The following TMEM82 variants were observed in gnomAD, a reference collection of about 807,000 sequenced individuals.
TMEM82 encodes the protein transmembrane protein 82.
In TMEM82, 30 loss-of-function variants were observed where a neutral mutation model predicts 29.2. The ratio of observed to expected loss-of-function variants is 1.03; its 90% CI spans 0.77 to 1.39. The LOEUF (loss-of-function observed/expected upper bound fraction) is 1.39. TMEM82 is among the 40% of genes most tolerant of loss of function. TMEM82 has a pLI of 0.00. For synonymous variants in TMEM82, 221 were observed against 225.4 expected, an observed-to-expected ratio of 0.98 and a Z score of 0.18; for missense variants, 442 against 447.7, an observed-to-expected ratio of 0.99 and a Z score of 0.12.
chr1:15,747,719 A>T lies in TMEM82; in HGVS notation c.*87A>T, dbSNP rs1335125575. On this transcript the variant is annotated 3_prime_UTR_variant, in exon 6 of 6. Coordinates refer to ENST00000375782, the MANE Select transcript of TMEM82 (RefSeq NM_001013641.3). ...ACCCCAGGGCGATGCCTGGAGGCAG[A>T]GTGGCAGAGCTGGCCTCCTGCCCAG... 7.2e-6 allele frequency: 9 copies of T among 1,250,334 alleles called. No individual in the cohort carries two copies. Among genetic ancestry groups the T allele is most frequent in the South Asian group, 6.6e-5 (5 of 75,268 alleles). The allele number at this position is 1,250,334 out of a possible 1,614,324, so 77.5% of individuals were successfully genotyped here. A position where few individuals can be genotyped will look rare whatever the true frequency, so the allele number is the denominator to read the frequency against.
chr1:15,742,972 G>A (rs1211881043), intron 2 of TMEM82, 48 bp from the exon 3 acceptor site: 10 of 1,603,932 alleles, frequency 6.2e-6, no homozygotes, highest in Middle Eastern at 1.7e-4. Context: ...ACCAGGGGTC[G>A]AAGGTGGCAG....
chr1:15,745,124 G>A (rs190064166), intron 4 of TMEM82, among the ~76,000 whole-genome samples: 3 of 152,266 alleles, frequency 2.0e-5, no homozygotes, highest in African/African-American at 4.8e-5. Flanking sequence ...ATGGCTCACC[G>A]CAGCCTTGAC....
chr1:15,746,047 G>GTTATT (rs200461538), intron 4 of TMEM82, among the ~76,000 whole-genome samples: 12,195 of 150,740 alleles, frequency 0.081, 580 homozygotes, highest in African/African-American at 0.12. Context: ...TTTTTTTGTT[G>GTTATT]TTGTTTTGTT....
chr1:15,746,928 C>T lies in TMEM82; in HGVS notation c.819C>T (p.Gly273=), dbSNP rs1395485318. 1.9e-6 allele frequency: 3 copies of T among 1,608,700 alleles called. No individual in the cohort carries two copies. Among genetic ancestry groups the T allele is most frequent in the East Asian group, 2.2e-5 (1 of 44,862 alleles). Residue 273 remains glycine, a synonymous_variant, in exon 5 of 6, where the codon GGC becomes GGT. Coordinates refer to ENST00000375782, the MANE Select transcript of TMEM82 (RefSeq NM_001013641.3). ...SQVQTVLVRM[G]GLFVLLLTVG... is the part of the protein sequence containing the mutation. The stretch of plus-strand genomic sequence containing the variant: ...TGCAGACGGTGCTGGTGCGCATGGG[C>T]GGCCTCTTCGTGCTGCTGCTGACTG...
intron 4 of TMEM82, among the ~76,000 whole-genome samples, chr1:15,746,508 G>A (rs1337355064): frequency 1.3e-5 from 2 of 152,056 alleles, no homozygotes; most frequent in African/African-American, 4.8e-5. Context: ...CCATGGGAGT[G>A]GCGAGAGGTG....
At chr1:15,747,223 T>C (rs2148396718) in intron 5 of TMEM82, among the ~76,000 whole-genome samples, 169 bp downstream of exon 5, 1 of 150,862 alleles carries the variant, frequency 6.6e-6, no homozygotes, top group African/African-American at 2.4e-5. Context: ...ACCCAGGAGG[T>C]AGAGGTTGCA....
At position 15,744,122 on chromosome 1, in the gene TMEM82, GC is replaced by G; in HGVS notation, c.337-33del. The G allele has an allele frequency of 6.9e-7, 1 of 1,458,468 alleles. No homozygotes were observed. The allele number at this position is 1,458,468 out of a possible 1,614,324, so 90.3% of individuals were successfully genotyped here. A position where few individuals can be genotyped will look rare whatever the true frequency, so the allele number is the denominator to read the frequency against. On this transcript the variant is annotated intron_variant, in intron 3 of 5. Coordinates refer to ENST00000375782, the MANE Select transcript of TMEM82 (RefSeq NM_001013641.3). The surrounding 1 kb of genome is among the most constrained non-coding windows in gnomAD (Gnocchi z 5.2). Reference sequence around the variant, plus strand: ...GGTGGGCAGCACCTGTGGTGAGGCAGCCCCCACATCTCGGCCCCTCTTCGGC... The same window carrying G: ...GGTGGGCAGCACCTGTGGTGAGGCAGCCCCACATCTCGGCCCCTCTTCGGC...
At chr1:15,743,552 A>G (rs186795792) in intron 3 of TMEM82, among the ~76,000 whole-genome samples, 225 of 152,332 alleles carry the variant, frequency 1.5e-3, no homozygotes, top group South Asian at 2.7e-3. Flanking sequence ...TAAGGCTCAG[A>G]GAGTATGTGG....
intron 1 of TMEM82, 32 bp from the exon 2 acceptor site, chr1:15,742,803 G>C (rs755905287): frequency 3.7e-6 from 6 of 1,601,742 alleles, no homozygotes; most frequent in Non-Finnish European, 5.1e-6. Context: ...ACCCCTGCAC[G>C]CTGCCTCGCT....
intron 4 of TMEM82, among the ~76,000 whole-genome samples, chr1:15,745,819 C>T (rs139996473): frequency 1.4e-5 from 2 of 141,802 alleles, no homozygotes; most frequent in South Asian, 2.3e-4. Flanking sequence ...ACCTGGGAGG[C>T]GGAGGTTGCA....
chr1:15,746,742 G>A, intron 4 of TMEM82, 125 bp from the exon 5 acceptor site: 1 of 768,526 alleles, frequency 1.3e-6, no homozygotes, highest in Non-Finnish European at 2.1e-6. Flanking sequence ...TGGGGACCAG[G>A]AGGATGTGAT....
intron 5 of TMEM82, 87 bp from the exon 6 acceptor site, chr1:15,747,459 G>T: frequency 1.7e-6 from 2 of 1,158,500 alleles, no homozygotes; most frequent in Admixed American, 1.7e-5. Flanking sequence ...GAGGCCCAAG[G>T]GGGAGGAAGT....
At chr1:15,743,680 G>T (rs1166582432) in intron 3 of TMEM82, among the ~76,000 whole-genome samples, 1 of 152,150 alleles carries the variant, frequency 6.6e-6, no homozygotes, top group Non-Finnish European at 1.5e-5. Flanking sequence ...AAGGCTGGGC[G>T]TGGTGGCTCA....
rs769348520 is a variant in TMEM82, at chr1:15,744,041, C to T, written c.337-119C>T. The T allele has an allele frequency of 5.6e-5, 54 of 969,258 alleles. No homozygotes were observed. The highest frequency in any genetic ancestry group is 1.9e-4 in the East Asian group (7 of 37,084). 60.0% of individuals were successfully genotyped at this position (969,258 alleles called of 1,614,324 possible). A position where few individuals can be genotyped will look rare whatever the true frequency, so the allele number is the denominator to read the frequency against. ...GATCCCCTAGGGCTTCATCTGAAGC[C>T]GATGTGGCCCCTTCGGGAACCATCC... On this transcript the variant is annotated intron_variant, in intron 3 of 5. Transcript: ENST00000375782. The surrounding 1 kb of genome is among the most constrained non-coding windows in gnomAD (Gnocchi z 5.2).
chr1:15,747,415 C>G, intron 5 of TMEM82, 131 bp from the exon 6 acceptor site: 1 of 771,806 alleles, frequency 1.3e-6, no homozygotes, highest in South Asian at 1.6e-5. Context: ...TAGCACCCCC[C>G]ACCCTGTCCA....
chr1:15,743,338 G>A (rs1051397848), intron 3 of TMEM82, 144 bp downstream of exon 3: 4 of 1,099,664 alleles, frequency 3.6e-6, no homozygotes, highest in East Asian at 5.3e-5. Context: ...GAGGCTGCAG[G>A]TTGCACCTTT....
chr1:15,744,706 C>G lies in TMEM82; in HGVS notation c.757+126C>G. On this transcript the variant is annotated intron_variant, in intron 4 of 5. Coordinates refer to ENST00000375782, the MANE Select transcript of TMEM82 (RefSeq NM_001013641.3). This position sits in a 1 kb window ranked among gnomAD's most constrained non-coding sequence, Gnocchi z 5.2. ...CCAGAGAGCCTGGTCAGGACAGAGG[C>G]TGTGTGGCGGGGGCAGTGCAGAGAA... The G allele has an allele frequency of 8.3e-7, 1 of 1,205,446 alleles. No homozygotes were observed. Among genetic ancestry groups the G allele is most frequent in the South Asian group, 1.6e-5 (1 of 62,688 alleles). The allele number at this position is 1,205,446 out of a possible 1,614,324, so 74.7% of individuals were successfully genotyped here. A position where few individuals can be genotyped will look rare whatever the true frequency, so the allele number is the denominator to read the frequency against.
intron 4 of TMEM82, among the ~76,000 whole-genome samples, chr1:15,746,004 C>T (rs1004413266): frequency 4.2e-4 from 63 of 151,080 alleles, no homozygotes; most frequent in Non-Finnish European, 7.8e-4. Context: ...GGATTACAGG[C>T]GTGAGCCACT....
intron 3 of TMEM82, among the ~76,000 whole-genome samples, chr1:15,743,412 G>C (rs1467307533): frequency 6.6e-6 from 1 of 152,252 alleles, no homozygotes; most frequent in Non-Finnish European, 1.5e-5. Context: ...GAAGACAAGA[G>C]CGACAGTTTC....
Sources: allele counts gnomAD v4.1 joint callset (sites outside exome capture counted in the v4.1 genomes callset), GRCh38; gene constraint gnomAD v4.1.1; non-coding constraint Gnocchi (gnomAD v3.1); transcripts MANE v1.5; gene names NCBI Gene and HGNC (gene_info 2026-07-23, HGNC 2026-07-21).